CAPS2: variants seen among roughly 807,000 people sequenced by gnomAD.
The protein encoded by CAPS2 is calcyphosine 2, also known as calcyphosin-2.
In CAPS2, 98 loss-of-function variants were observed where a neutral mutation model predicts 86.5. The ratio of observed to expected loss-of-function variants is 1.13; its 90% CI spans 0.96 to 1.34. CAPS2 has a LOEUF of 1.34. Ranked by LOEUF, CAPS2 falls within the 40% of genes most tolerant of loss-of-function variation. CAPS2 has a pLI of 0.00. For synonymous variants in CAPS2, 210 were observed against 225.1 expected, an observed-to-expected ratio of 0.93 and a Z score of 0.60; for missense variants, 729 against 686.8, an observed-to-expected ratio of 1.06 and a Z score of -0.69.
intron 7 of CAPS2, among the ~76,000 whole-genome samples, chr12:75,312,386 A>G (rs1427410710): frequency 6.6e-6 from 1 of 152,190 alleles, no homozygotes; most frequent in Non-Finnish European, 1.5e-5. Context: ...ATCTTTGCAG[A>G]GCTGAGTTTT....
At chr12:75,298,456 A>AG (rs1456172614) in intron 11 of CAPS2, 3 of 484,568 alleles carry the variant, frequency 6.2e-6, no homozygotes, top group East Asian at 3.0e-5. Context: ...TGGAATGGGA[A>AG]GGGGGGTGTT....
chr12:75,366,607 T>A (rs1461184582), intron 1 of CAPS2, among the ~76,000 whole-genome samples: 1 of 151,990 alleles, frequency 6.6e-6, no homozygotes, highest in Non-Finnish European at 1.5e-5. Flanking sequence ...TCAAAGTGGA[T>A]CATTCTTGTC....
At chr12:75,341,992 C>G (rs2042153960) in intron 1 of CAPS2, among the ~76,000 whole-genome samples, 1 of 152,118 alleles carries the variant, frequency 6.6e-6, no homozygotes, top group African/African-American at 2.4e-5. Flanking sequence ...ATCCACCCGC[C>G]TTGGCCTCCC....
At chr12:75,370,932 T>C (rs1333952901) in intron 1 of CAPS2, 2 of 152,206 alleles carry the variant, frequency 1.3e-5, no homozygotes, top group African/African-American at 4.8e-5. Flanking sequence ...TGTTGACTCC[T>C]GTGGAGTAAA....
chr12:75,333,981 T>A (rs2041529462), upstream of CAPS2: 1 of 152,326 alleles, frequency 6.6e-6, no homozygotes, highest in South Asian at 2.1e-4. Flanking sequence ...ACTCTGTCCA[T>A]CCCAGTCTCA....
chr12:75,278,932 A>C (rs758707125), exon 17 of CAPS2: 1 of 1,603,068 alleles, frequency 6.2e-7, no homozygotes, highest in Non-Finnish European at 8.5e-7. Context: ...CAAAGTCTTC[A>C]TCATCTACTA....
chr12:75,281,879 T>G (rs1321500771), intron 16 of CAPS2, among the ~76,000 whole-genome samples: 1 of 152,122 alleles, frequency 6.6e-6, no homozygotes, highest in Non-Finnish European at 1.5e-5. Flanking sequence ...AAGACACTCC[T>G]TCATTCTGCT....
intron 1 of CAPS2, among the ~76,000 whole-genome samples, chr12:75,379,351 T>A (rs1433062599): frequency 6.6e-6 from 1 of 152,198 alleles, no homozygotes; most frequent in Non-Finnish European, 1.5e-5. Flanking sequence ...AGGCAGAGCA[T>A]CTCCATCTTA....
chr12:75,340,830 C>T (rs962541423), intron 1 of CAPS2, among the ~76,000 whole-genome samples: 5 of 151,196 alleles, frequency 3.3e-5, no homozygotes, highest in Non-Finnish European at 3.0e-5. Context: ...TGAAAACATG[C>T]TAAACATCAT....
At chr12:75,308,172 A>T (rs2038729150) in intron 7 of CAPS2, among the ~76,000 whole-genome samples, 1 of 152,210 alleles carries the variant, frequency 6.6e-6, no homozygotes, top group African/African-American at 2.4e-5. Flanking sequence ...ATGACCAATC[A>T]GATGTTTGCA....
downstream of CAPS2, chr12:75,276,383 TAAC>T (rs2032936200): frequency 7.3e-7 from 1 of 1,366,666 alleles, no homozygotes; most frequent in Non-Finnish European, 9.4e-7. Flanking sequence ...AAATACTTGA[TAAC>T]AAACAACTTA....
intron 1 of CAPS2, among the ~76,000 whole-genome samples, chr12:75,362,531 C>A (rs539674427): frequency 9.9e-4 from 151 of 152,196 alleles, no homozygotes; most frequent in African/African-American, 3.5e-3. Flanking sequence ...GTGGCATATT[C>A]TTTAATGGAA....
At chr12:75,289,747 T>C (rs2035516519) in exon 14 of CAPS2, 1 of 1,612,260 alleles carries the variant, frequency 6.2e-7, no homozygotes, top group African/African-American at 1.3e-5. Flanking sequence ...TACGAACACC[T>C]CTTTTATGTA....
At chr12:75,369,789 C>T in intron 1 of CAPS2, 1 of 982,570 alleles carries the variant, frequency 1.0e-6, no homozygotes. Flanking sequence ...TAGGAAGCAT[C>T]GTAAAGAGTT....
chr12:75,363,113 CA>C, intron 1 of CAPS2: 1 of 1,547,738 alleles, frequency 6.5e-7, no homozygotes, highest in Admixed American at 2.2e-5. Flanking sequence ...GGAAATTTTG[CA>C]AATATGCCTC....
At chr12:75,376,784 T>C (rs2044672456) in intron 1 of CAPS2, among the ~76,000 whole-genome samples, 1 of 152,156 alleles carries the variant, frequency 6.6e-6, no homozygotes, top group Non-Finnish European at 1.5e-5. Context: ...GCACCTTTCA[T>C]TGCAGGTCAG....
At chr12:75,339,581 A>G (rs2041965259) in intron 1 of CAPS2, among the ~76,000 whole-genome samples, 1 of 152,136 alleles carries the variant, frequency 6.6e-6, no homozygotes, top group South Asian at 2.1e-4. Flanking sequence ...GCCGTACAGA[A>G]GCTCTTTAAT....
At chr12:75,367,118 C>A in intron 1 of CAPS2, 1 of 680,740 alleles carries the variant, frequency 1.5e-6, no homozygotes, top group South Asian at 1.6e-5. Context: ...ATGGAGAAGA[C>A]ACTTTAGAAT....
chr12:75,305,122 T>C, intron 7 of CAPS2, among the ~76,000 whole-genome samples: 1 of 152,188 alleles, frequency 6.6e-6, no homozygotes, highest in East Asian at 1.9e-4. Flanking sequence ...AGCTCCATGT[T>C]TTTATTTTAC....
Sources: allele counts gnomAD v4.1 joint callset (sites outside exome capture counted in the v4.1 genomes callset), GRCh38; gene constraint gnomAD v4.1.1; transcripts MANE v1.5; gene names NCBI Gene and HGNC (gene_info 2026-07-23, HGNC 2026-07-21).